The following PCDHGB1 variants were observed in gnomAD, a reference collection of about 807,000 sequenced individuals.
The protein encoded by PCDHGB1 is protocadherin gamma-B1.
PCDHGB1 carries 34 observed loss-of-function variants against 56.6 expected under a neutral mutation model. The observed-to-expected ratio is 0.60, with a 90% CI of 0.46 to 0.80. PCDHGB1 has a LOEUF of 0.80. PCDHGB1 is among the 30% of genes least tolerant of loss of function. The pLI is 0.00. For missense variants in PCDHGB1, 1,278 were observed against 1,204.6 expected (o/e 1.06, Z -0.90); for synonymous variants, 561 against 505.9 (o/e 1.11, Z -1.46).
intron 1 of PCDHGB1, chr5:141,361,228 G>A: frequency 6.2e-7 from 1 of 1,614,000 alleles, no homozygotes. Flanking sequence ...ACCAGGAACA[G>A]TGATCGCCTT....
intron 2 of PCDHGB1, among the ~76,000 whole-genome samples, chr5:141,497,483 C>T (rs1039341023): frequency 6.6e-6 from 1 of 150,378 alleles, no homozygotes; most frequent in Non-Finnish European, 1.5e-5. Context: ...AGGTGCGGAA[C>T]CTCTCTCTCT....
At chr5:141,394,850 G>GC in intron 1 of PCDHGB1, 1 of 1,613,820 alleles carries the variant, frequency 6.2e-7, no homozygotes. Flanking sequence ...GCAGTCTGAA[G>GC]CCTTCGGTCG....
chr5:141,463,572 C>A (rs1462125489), intron 1 of PCDHGB1, among the ~76,000 whole-genome samples: 2 of 151,572 alleles, frequency 1.3e-5, no homozygotes, highest in African/African-American at 4.9e-5. Context: ...CCTCAGCCTC[C>A]CGAGTAGCTG....
chr5:141,362,200 C>T, intron 1 of PCDHGB1: 1 of 1,614,066 alleles, frequency 6.2e-7, no homozygotes, highest in Non-Finnish European at 8.5e-7. Flanking sequence ...GGCAAAACTG[C>T]AGTTTTACCT....
At chr5:141,455,075 G>A (rs1050636999) in intron 1 of PCDHGB1, among the ~76,000 whole-genome samples, 2 of 151,830 alleles carry the variant, frequency 1.3e-5, no homozygotes, top group African/African-American at 4.8e-5. Context: ...GCCTCCCAAA[G>A]TGCTGGGATT....
chr5:141,375,336 A>G, intron 1 of PCDHGB1: 1 of 1,613,828 alleles, frequency 6.2e-7, no homozygotes, highest in African/African-American at 1.3e-5. Context: ...GTATTCTTGT[A>G]CAACATCACT....
At chr5:141,364,814 G>T in intron 1 of PCDHGB1, 1 of 1,614,042 alleles carries the variant, frequency 6.2e-7, no homozygotes, top group Non-Finnish European at 8.5e-7. Flanking sequence ...GGATGCGGAT[G>T]TGGGTGTGAA....
intron 3 of PCDHGB1, among the ~76,000 whole-genome samples, chr5:141,508,620 G>A (rs1017391751): frequency 2.0e-5 from 3 of 152,070 alleles, no homozygotes; most frequent in East Asian, 1.9e-4. Context: ...GACGTGGGTG[G>A]GCCGAGCTTC....
chr5:141,406,662 AT>A (rs2094837131), intron 1 of PCDHGB1, among the ~76,000 whole-genome samples: 1 of 152,208 alleles, frequency 6.6e-6, no homozygotes, highest in African/African-American at 2.4e-5. Flanking sequence ...TTAATGTTAA[AT>A]TATGGAGAAT....
chr5:141,493,346 C>T lies in PCDHGB1; in HGVS notation c.2410-1461C>T, dbSNP rs766845200. Among the ~76,000 whole-genome samples, 5 of 152,172 alleles carry T rather than the reference C, an allele frequency of 3.3e-5. No individual in the cohort carries two copies. Among genetic ancestry groups the T allele is most frequent in the Non-Finnish European group, 7.3e-5 (5 of 68,028 alleles). On this transcript the variant is annotated intron_variant, in intron 1 of 3. Coordinates refer to ENST00000523390, the MANE Select transcript of PCDHGB1 (RefSeq NM_018922.3). The surrounding 1 kb of genome is among the most constrained non-coding windows in gnomAD (Gnocchi z 4.3). Reference sequence around the variant, plus strand: ...CCCCTGTCTAACTCCAGAATGTGTGCTTTTAATTTCTTGGCACTTGGAACT... The same window carrying T: ...CCCCTGTCTAACTCCAGAATGTGTGTTTTTAATTTCTTGGCACTTGGAACT...
intron 1 of PCDHGB1, chr5:141,370,526 C>A: frequency 1.2e-6 from 2 of 1,613,860 alleles, no homozygotes; most frequent in Non-Finnish European, 8.5e-7. Flanking sequence ...TGGACAGGGG[C>A]TCGCTGGTAG....
chr5:141,370,542 C>T (rs1009513071), intron 1 of PCDHGB1: 17 of 1,613,784 alleles, frequency 1.1e-5, no homozygotes, highest in Non-Finnish European at 1.4e-5. Context: ...GGTAGGGAAC[C>T]TCGCCAAGGA....
At chr5:141,414,396 A>G in intron 1 of PCDHGB1, 1 of 1,613,884 alleles carries the variant, frequency 6.2e-7, no homozygotes, top group Non-Finnish European at 8.5e-7. Flanking sequence ...GTTATTACAG[A>G]TTGGTGATAC....
rs765774717 is a variant in PCDHGB1, at chr5:141,350,637, A to G, written c.377A>G (p.Asn126Ser). The change falls in exon 1 of 4, where the codon AAT becomes AGT. Residue 126 changes from asparagine to serine, a missense_variant. Transcript: ENST00000523390. ...GTTGTAATCCAAGATATTAATGACA[A>G]TGCACCACGTTTCGTTGCAAAAGGC... ...VVVVIQDINDNAPRFVAKGID... is the reference protein window; with the variant it reads ...VVVVIQDINDSAPRFVAKGID... 6.2e-7 allele frequency: 1 copy of G among 1,614,020 alleles called. No individual in the cohort carries two copies. Among genetic ancestry groups the G allele is most frequent in the Non-Finnish European group, 8.5e-7 (1 of 1,179,894 alleles).
At position 141,486,960 on chromosome 5, in the gene PCDHGB1, T is replaced by C; in HGVS notation, c.2410-7847T>C. On this transcript the variant is annotated intron_variant, in intron 1 of 3. Transcript: ENST00000523390. The surrounding 1 kb of genome is among the most constrained non-coding windows in gnomAD (Gnocchi z 5.0). Reference sequence around the variant, plus strand: ...CACCTAATCACAAAGGTGACTGCTGTGGACTTGGATTCAGGTTACAATGCT... The same window carrying C: ...CACCTAATCACAAAGGTGACTGCTGCGGACTTGGATTCAGGTTACAATGCT... The C allele has an allele frequency of 6.2e-7, 1 of 1,614,228 alleles. No individual in the cohort carries two copies. Among genetic ancestry groups the C allele is most frequent in the Non-Finnish European group, 8.5e-7 (1 of 1,180,034 alleles).
At chr5:141,399,785 A>G (rs748714301) in intron 1 of PCDHGB1, 6 of 1,613,294 alleles carry the variant, frequency 3.7e-6, no homozygotes, top group South Asian at 1.1e-5. Context: ...GACCGAAACG[A>G]CAACGCACCG....
In PCDHGB1 at chr5:141,511,173, A is replaced by T. The variant is rs1384881403; in HGVS notation, c.2784A>T (p.Ter928TyrextTer31). ...AGTCGGGCAAGAAGGAGAAGAAGTA[A>T]CATGGAGGCCAGGCCAAGAGCCACA... ...KKKSGKKEKK[*>Y] Residue 928 changes from the stop codon to tyrosine, a stop_lost, in exon 4 of 4, where the codon TAA (stop) becomes TAT (tyrosine). Coordinates refer to ENST00000523390, the MANE Select transcript of PCDHGB1 (RefSeq NM_018922.3). 6.2e-7 allele frequency: 1 copy of T among 1,614,132 alleles called. No homozygotes were observed.
At chr5:141,372,226 C>A (rs1238266870) in intron 1 of PCDHGB1, 1 of 1,613,332 alleles carries the variant, frequency 6.2e-7, no homozygotes, top group Non-Finnish European at 8.5e-7. Flanking sequence ...ATTGTGCAGG[C>A]CAGCGAGCCC....
chr5:141,395,538 TTGTTTG>T (rs1338769311), intron 1 of PCDHGB1: 4 of 225,774 alleles, frequency 1.8e-5, no homozygotes, highest in African/African-American at 1.7e-4. Flanking sequence ...AATTTTGCTA[TTGTTTG>T]TGTGTGTGTG....
Sources: gnomAD v4.1 joint callset for allele counts (sites outside exome capture counted in the v4.1 genomes callset) on GRCh38, gnomAD v4.1.1 for gene constraint, Gnocchi (gnomAD v3.1) non-coding constraint, MANE v1.5 for transcripts, NCBI Gene and HGNC (gene_info 2026-07-23, HGNC 2026-07-21) for gene names.